The following AFF1 variants were observed in gnomAD, a reference collection of about 807,000 sequenced individuals.
AFF1 encodes AF4/FMR2 family member 1.
In AFF1, 48 loss-of-function variants were observed where a neutral mutation model predicts 121.7. The observed-to-expected ratio is 0.39, with a 90% CI of 0.31 to 0.50. The LOEUF is 0.50. AFF1 is among the 20% of genes least tolerant of loss of function. The pLI is 0.76. For missense variants in AFF1, 1,523 were observed against 1,511.7 expected, an observed-to-expected ratio of 1.01 and a Z score of -0.12; for synonymous variants, 613 against 563.0, an observed-to-expected ratio of 1.09 and a Z score of -1.26.
In AFF1 at chr4:87,056,788, C is replaced by T. The variant is rs117536864; in HGVS notation, c.1059+9194C>T. On this transcript the variant is annotated intron_variant, in intron 4 of 20. Transcript: ENST00000395146. ...TGTAATCAGTATGAGCAAGGTAATACGGAACTCTTCATAATACATTGCTGG... is the reference window on the plus strand; with the variant it reads ...TGTAATCAGTATGAGCAAGGTAATATGGAACTCTTCATAATACATTGCTGG... 7.9e-3 allele frequency among the ~76,000 whole-genome samples: 1,199 copies of T among 152,216 alleles called. 45 individuals are homozygous for T. The highest frequency in any genetic ancestry group is 0.062 in the East Asian group (319 of 5,176).
rs552624513 is a variant in AFF1, at chr4:86,967,545, G to A, written c.38+18974G>A. On this transcript the variant is annotated intron_variant, in intron 2 of 20. Transcript: ENST00000395146. ...GTCAAATGGAGAATGGAGTTTAGTG[G>A]GACATGGGCAGGAGCAGAAGCAAAG... Among the ~76,000 whole-genome samples, 10 of 152,258 alleles carry A rather than the reference G, an allele frequency of 6.6e-5. No homozygotes were observed. In the East Asian group the frequency reaches 1.9e-3, roughly 29 times the overall value.
chr4:86,982,907 G>GGCA (rs1723892928), intron 2 of AFF1, among the ~76,000 whole-genome samples: 1 of 149,552 alleles, frequency 6.7e-6, no homozygotes, highest in Admixed American at 6.6e-5. Context: ...ACTGTGTGAG[G>GGCA]GCACAGGTAG....
At chr4:86,990,373 C>A (rs971053546) in intron 2 of AFF1, among the ~76,000 whole-genome samples, 9 of 151,574 alleles carry the variant, frequency 5.9e-5, no homozygotes, top group African/African-American at 1.9e-4. Flanking sequence ...GAGCAAGATG[C>A]CTTCAGGAGG....
intron 4 of AFF1, among the ~76,000 whole-genome samples, chr4:87,074,132 C>T (rs1722415817): frequency 6.6e-6 from 1 of 151,618 alleles, no homozygotes; most frequent in Non-Finnish European, 1.5e-5. Flanking sequence ...AATTGATAGT[C>T]CCACTGAAAA....
intron 1 of AFF1, among the ~76,000 whole-genome samples, chr4:86,944,373 GTTT>G (rs201558786): frequency 4.9e-4 from 73 of 148,734 alleles, no homozygotes; most frequent in Middle Eastern, 3.4e-3. Flanking sequence ...TTTTCTGGAG[GTTT>G]TTTTTTTTTT....
intron 2 of AFF1, among the ~76,000 whole-genome samples, chr4:86,990,006 TCA>T (rs941636140): frequency 3.3e-5 from 5 of 151,980 alleles, no homozygotes; most frequent in African/African-American, 1.2e-4. Context: ...GAGGGGAACA[TCA>T]CACACCAGGG....
chr4:87,011,789 C>G (rs765837398), intron 2 of AFF1, among the ~76,000 whole-genome samples: 1 of 152,156 alleles, frequency 6.6e-6, no homozygotes, highest in Non-Finnish European at 1.5e-5. Context: ...CTTCCTGACT[C>G]ACAGTCTAGA....
intron 4 of AFF1, among the ~76,000 whole-genome samples, chr4:87,083,401 T>A (rs567698501): frequency 2.0e-5 from 3 of 152,308 alleles, no homozygotes; most frequent in African/African-American, 7.2e-5. Context: ...ATGCTGACTT[T>A]AAGTGAGATA....
chr4:86,951,645 A>G (rs1320447001), intron 2 of AFF1, among the ~76,000 whole-genome samples: 2 of 92,038 alleles, frequency 2.2e-5, no homozygotes, highest in East Asian at 2.6e-4. Context: ...TTTTTTTGAG[A>G]CGGAGTCTCC....
chr4:86,988,047 T>C (rs1724425845), intron 2 of AFF1, among the ~76,000 whole-genome samples: 1 of 151,812 alleles, frequency 6.6e-6, no homozygotes, highest in Non-Finnish European at 1.5e-5. Flanking sequence ...TTTTTGTTTT[T>C]GATATATAAT....
At chr4:87,062,734 TTAGA>T (rs1201122002) in intron 4 of AFF1, among the ~76,000 whole-genome samples, 1 of 129,050 alleles carries the variant, frequency 7.7e-6, no homozygotes, top group African/African-American at 3.2e-5. Flanking sequence ...AATCACTTAG[TTAGA>T]TAGAAAACTC....
Position 86,968,753 on chromosome 4 carries a change from T to A in AFF1, c.38+20182T>A, listed in dbSNP as rs566600322. Among the ~76,000 whole-genome samples the A allele has an allele frequency of 3.3e-5, 5 of 152,328 alleles. No homozygotes were observed. The South Asian group carries it at 1.0e-3, about 32-fold the overall frequency. On this transcript the variant is annotated intron_variant, in intron 2 of 20. Coordinates refer to ENST00000395146, the MANE Select transcript of AFF1 (RefSeq NM_001166693.3). Reference sequence around the variant, plus strand: ...CGAAGGCAGCTCAGGAAATAAAGTCTGCCATTGGAGGGTCTCAGGGGGACC... The same window carrying A: ...CGAAGGCAGCTCAGGAAATAAAGTCAGCCATTGGAGGGTCTCAGGGGGACC...
At chr4:87,041,120 G>A (rs536597290) in intron 2 of AFF1, among the ~76,000 whole-genome samples, 7 of 151,038 alleles carry the variant, frequency 4.6e-5, no homozygotes, top group East Asian at 2.0e-4. Context: ...CAAGTGATCC[G>A]CCCACCTTGG....
intron 2 of AFF1, among the ~76,000 whole-genome samples, chr4:87,037,559 C>G (rs150870237): frequency 6.6e-6 from 1 of 152,028 alleles, no homozygotes; most frequent in African/African-American, 2.4e-5. Flanking sequence ...GTGATCTGCC[C>G]GCCTCGGCCT....
chr4:86,969,879 C>CA lies in AFF1; in HGVS notation c.38+21326dup, dbSNP rs70953629. On this transcript the variant is annotated intron_variant, in intron 2 of 20. Coordinates refer to ENST00000395146, the MANE Select transcript of AFF1 (RefSeq NM_001166693.3). Reference sequence around the variant, plus strand: ...TGGGCGGAAGAGCGAGACTCCGTCTCAAAAAAAAAAAAAAAAAAGGTAAGA... The same window carrying CA: ...TGGGCGGAAGAGCGAGACTCCGTCTCAAAAAAAAAAAAAAAAAAAGGTAAGA... Among the ~76,000 whole-genome samples the CA allele has an allele frequency of 5.3e-3, 336 of 63,628 alleles. 31 individuals carry two copies. The highest frequency in any genetic ancestry group is 0.016 in the African/African-American group (303 of 18,604). 41.7% of individuals were successfully genotyped at this position (63,628 alleles called of 152,430 possible).
chr4:87,136,929 G>C lies in AFF1; in HGVS notation c.*1228G>C, dbSNP rs2149810099. The C allele has an allele frequency of 4.5e-6, 1 of 221,172 alleles. No individual in the cohort carries two copies. Among genetic ancestry groups the C allele is most frequent in the Middle Eastern group, 1.4e-3 (1 of 730 alleles). 13.7% of individuals were successfully genotyped at this position (221,172 alleles called of 1,614,324 possible). ...CTCATCACCACATGCCTTCACTCCA[G>C]AGTGTTCTCAGCTAGATTTGATTTG... is the stretch of plus-strand genomic sequence containing the variant. On this transcript the variant is annotated 3_prime_UTR_variant, in exon 21 of 21. Coordinates refer to ENST00000395146, the MANE Select transcript of AFF1 (RefSeq NM_001166693.3).
chr4:87,056,924 T>C (rs576831075), intron 4 of AFF1, among the ~76,000 whole-genome samples: 91 of 152,312 alleles, frequency 6.0e-4, no homozygotes, highest in African/African-American at 2.0e-3. Context: ...TACCATCCTG[T>C]TTTACTGAGA....
At chr4:86,960,832 C>A (rs1722094762) in intron 2 of AFF1, among the ~76,000 whole-genome samples, 1 of 152,166 alleles carries the variant, frequency 6.6e-6, no homozygotes, top group East Asian at 1.9e-4. Context: ...AGATTTTAAA[C>A]AACTGGAGGT....
At chr4:87,062,684 A>G (rs1452367185) in intron 4 of AFF1, among the ~76,000 whole-genome samples, 1 of 152,202 alleles carries the variant, frequency 6.6e-6, no homozygotes, top group African/African-American at 2.4e-5. Flanking sequence ...ATTCATCAGC[A>G]TACAAAAGTT....
Sources: allele counts gnomAD v4.1 joint callset (sites outside exome capture counted in the v4.1 genomes callset), GRCh38; gene constraint gnomAD v4.1.1; transcripts MANE v1.5; gene names NCBI Gene and HGNC (gene_info 2026-07-23, HGNC 2026-07-21).